ELAC2: variants seen among roughly 807,000 people sequenced by gnomAD.
ELAC2 encodes elaC ribonuclease Z 2.
ELAC2 carries 92 observed loss-of-function variants against 105.2 expected under a neutral mutation model. The ratio of observed to expected loss-of-function variants is 0.87; its 90% confidence interval spans 0.74 to 1.04. The LOEUF (loss-of-function observed/expected upper bound fraction) is 1.04. ELAC2 is among the 50% of genes least tolerant of loss of function. The pLI, the probability that ELAC2 is intolerant of heterozygous loss-of-function variation, is 0.00. For synonymous variants in ELAC2, 468 were observed against 409.1 expected (o/e 1.14, Z -1.74); for missense variants, 1,099 against 1,071.7 (o/e 1.03, Z -0.36).
chr17:13,002,674 G>T (rs115021951), intron 12 of ELAC2, 95 bp from the exon 13 acceptor site: 4 of 1,538,040 alleles, frequency 2.6e-6, no homozygotes, highest in African/African-American at 1.4e-5. Context: ...TGAGGATGAG[G>T]TGTTCAAACA....
At chr17:12,994,208 C>A (rs1012920432) in intron 22 of ELAC2, among the ~76,000 whole-genome samples, 1 of 152,134 alleles carries the variant, frequency 6.6e-6, no homozygotes, top group Non-Finnish European at 1.5e-5. Context: ...TAGATGCTTT[C>A]AAAAAACTGT....
intron 15 of ELAC2, among the ~76,000 whole-genome samples, chr17:12,999,869 G>A (rs1319905025): frequency 2.6e-5 from 4 of 152,206 alleles, no homozygotes; most frequent in Non-Finnish European, 4.4e-5. Context: ...ATGTTAGCCA[G>A]GATGGTCTCG....
chr17:13,001,550 G>C (rs934342583), intron 14 of ELAC2, among the ~76,000 whole-genome samples: 2 of 151,758 alleles, frequency 1.3e-5, no homozygotes, highest in African/African-American at 4.8e-5. Flanking sequence ...AAAGATGTGG[G>C]GCAGTAAGGC....
At chr17:13,007,541 C>T (rs1180381618) in intron 8 of ELAC2, among the ~76,000 whole-genome samples, 2 of 152,170 alleles carry the variant, frequency 1.3e-5, no homozygotes, top group African/African-American at 2.4e-5. Context: ...CTCCACACAC[C>T]CAAACGGGTT....
chr17:13,015,398 G>C (rs2041661868), intron 4 of ELAC2, among the ~76,000 whole-genome samples: 1 of 152,228 alleles, frequency 6.6e-6, no homozygotes, highest in Admixed American at 6.5e-5. Context: ...TGAAAGGTAA[G>C]AAGATGTCAG....
In ELAC2 at chr17:13,017,949, C is replaced by A. The variant is rs1031933124; in HGVS notation, c.-2G>T. 5.9e-6 allele frequency: 9 copies of A among 1,536,386 alleles called. No individual in the cohort carries two copies. The African/African-American group carries it at 1.1e-4, about 19-fold the overall frequency. On this transcript the variant is annotated 5_prime_UTR_variant, in exon 1 of 24. Transcript: ENST00000338034. ...CAGCAGCGAGCAAAGCGCCCACATGCGCCCGTCTCCACCAAAACTGAGAAA... is the reference window on the plus strand; with the variant it reads ...CAGCAGCGAGCAAAGCGCCCACATGAGCCCGTCTCCACCAAAACTGAGAAA...
intron 4 of ELAC2, among the ~76,000 whole-genome samples, chr17:13,015,564 A>C (rs763040026): frequency 6.6e-6 from 1 of 152,264 alleles, no homozygotes; most frequent in Non-Finnish European, 1.5e-5. Flanking sequence ...ATAGATGAAT[A>C]AACTAAAGCT....
rs897420740 is a variant in ELAC2, at chr17:13,017,950, G to C, written c.-3C>G. On this transcript the variant is annotated 5_prime_UTR_variant, in exon 1 of 24. Coordinates refer to ENST00000338034, the MANE Select transcript of ELAC2 (RefSeq NM_018127.7). ...AGCAGCGAGCAAAGCGCCCACATGC[G>C]CCCGTCTCCACCAAAACTGAGAAAG... The C allele has an allele frequency of 1.3e-6, 2 of 1,536,426 alleles. No individual in the cohort carries two copies. Among genetic ancestry groups the C allele is most frequent in the Non-Finnish European group, 1.7e-6 (2 of 1,146,694 alleles).
chr17:13,011,149 C>T (rs1001097389), intron 7 of ELAC2, among the ~76,000 whole-genome samples: 2 of 152,154 alleles, frequency 1.3e-5, no homozygotes, highest in African/African-American at 2.4e-5. Context: ...AGCTGCCGAG[C>T]TTTGCCAACG....
At chr17:12,995,382 A>G (rs1356632852) in intron 19 of ELAC2, among the ~76,000 whole-genome samples, 2 of 152,188 alleles carry the variant, frequency 1.3e-5, no homozygotes, top group African/African-American at 4.8e-5. Context: ...TGCTATGGAC[A>G]TTCTCTGTGC....
rs538117675 is a variant in ELAC2 at position 12,993,708 on chromosome 17, T to A, written c.2232A>T (p.Gly744=). Residue 744 remains glycine, a synonymous_variant, in exon 23 of 24, where the codon GGA becomes GGT. Coordinates refer to ENST00000338034, the MANE Select transcript of ELAC2 (RefSeq NM_018127.7). ...LFSPNFSEKV[G]VAFDHMKVCF... Reference sequence around the variant, plus strand: ...AGACCTTCATGTGGTCAAAGGCAACTCCCACTTTCTCGCTGAAGTTGGGGC... The same window carrying A: ...AGACCTTCATGTGGTCAAAGGCAACACCCACTTTCTCGCTGAAGTTGGGGC... 1 of 1,614,156 alleles carries A rather than the reference T, an allele frequency of 6.2e-7. No homozygotes were observed. The highest frequency in any genetic ancestry group is 2.2e-5 in the East Asian group (1 of 44,872).
intron 8 of ELAC2, among the ~76,000 whole-genome samples, chr17:13,009,364 A>C (rs1256219400): frequency 2.6e-5 from 4 of 152,094 alleles, no homozygotes; most frequent in African/African-American, 9.7e-5. Context: ...ATCTTTTCAC[A>C]TATTTAGACA....
chr17:13,011,878 T>A, intron 6 of ELAC2, 96 bp from the exon 7 acceptor site: 1 of 1,582,716 alleles, frequency 6.3e-7, no homozygotes, highest in Non-Finnish European at 8.6e-7. Context: ...GAACGCCAAT[T>A]AAATCAGCAC....
In ELAC2 at chr17:13,013,269, C is replaced by G. The variant is rs763584078; in HGVS notation, c.497G>C (p.Arg166Pro). ...GPLKGIELAV[R>P]PHSAPEYEDE... ...CTCGTATTCTGGGGCAGAGTGGGGCCGCACAGCTACAAGAAAACCACACAA... is the reference window on the plus strand; with the variant it reads ...CTCGTATTCTGGGGCAGAGTGGGGCGGCACAGCTACAAGAAAACCACACAA... The change falls in exon 6 of 24, where the codon CGG becomes CCG. Residue 166 changes from arginine to proline, a missense_variant. Physicochemically the swap from Arg to Pro is moderately radical, Grantham distance 103. Coordinates refer to ENST00000338034, the MANE Select transcript of ELAC2 (RefSeq NM_018127.7). 1.9e-6 allele frequency: 3 copies of G among 1,614,010 alleles called. No individual in the cohort carries two copies. Among genetic ancestry groups the G allele is most frequent in the Non-Finnish European group, 2.5e-6 (3 of 1,180,016 alleles).
chr17:12,996,240 A>C, intron 17 of ELAC2: 1 of 627,368 alleles, frequency 1.6e-6, no homozygotes, highest in East Asian at 2.7e-5. Flanking sequence ...TGAGGGTCTC[A>C]TAGCCACACC....
In ELAC2 at chr17:13,016,911, G is replaced by A. The variant is rs1400125439; in HGVS notation, c.318C>T (p.Asp106=). Reference sequence around the variant, plus strand: ...AGTGCATTCGTGTCAGGAATATGTTGTCCAGGCGAGCAACCTTTAACCTAA... The same window carrying A: ...AGTGCATTCGTGTCAGGAATATGTTATCCAGGCGAGCAACCTTTAACCTAA... ...QEHKLKVARL[D]NIFLTRMHWS... is the part of the protein sequence containing the mutation. Residue 106 remains aspartate, a synonymous_variant, in exon 3 of 24, where the codon GAC becomes GAT. Transcript: ENST00000338034. The A allele has an allele frequency of 6.2e-7, 1 of 1,613,996 alleles. No homozygotes were observed. The highest frequency in any genetic ancestry group is 2.2e-5 in the East Asian group (1 of 44,888).
rs932002041 is a variant in ELAC2, at chr17:12,998,266, C to T, written c.1520+146G>A. On this transcript the variant is annotated intron_variant, in intron 16 of 23. Coordinates refer to ENST00000338034, the MANE Select transcript of ELAC2 (RefSeq NM_018127.7). ...GAGGCTATAAAATGCAGTAAGGCCA[C>T]GCTCCTCTCCTGGACACTCCAGTCG... The T allele has an allele frequency of 1.6e-5, 13 of 794,666 alleles. No homozygotes were observed. In the East Asian group the frequency reaches 1.6e-4, roughly 10 times the overall value. 49.2% of individuals were successfully genotyped at this position (794,666 alleles called of 1,614,324 possible).
intron 16 of ELAC2, among the ~76,000 whole-genome samples, chr17:12,997,585 G>A (rs900914930): frequency 6.6e-6 from 1 of 152,028 alleles, no homozygotes; most frequent in Admixed American, 6.6e-5. Flanking sequence ...GGGAGAGGCC[G>A]GCTCACTCCA....
rs781644833 is a variant in ELAC2, at chr17:12,994,909, C to A, written c.1909-25G>T. On this transcript the variant is annotated intron_variant, in intron 20 of 23. Coordinates refer to ENST00000338034, the MANE Select transcript of ELAC2 (RefSeq NM_018127.7). ...ACTGAAAGGGTGGGGCTGGAGGGCT[C>A]TGCAGCTCTGCTCCCCACCTCGCCC... The A allele has an allele frequency of 2.5e-6, 4 of 1,613,966 alleles. No individual in the cohort carries two copies. In the African/African-American group the frequency reaches 5.3e-5, roughly 22 times the overall value.
Sources: allele counts gnomAD v4.1 joint callset (sites outside exome capture counted in the v4.1 genomes callset), GRCh38; gene constraint gnomAD v4.1.1; transcripts MANE v1.5; gene names NCBI Gene and HGNC (gene_info 2026-07-23, HGNC 2026-07-21).